PHF20: variants seen among roughly 807,000 people sequenced by gnomAD.
The protein encoded by PHF20 is glioma-expressed antigen 2.
In PHF20, 23 loss-of-function variants were observed where a neutral mutation model predicts 113.5. That is an observed-to-expected ratio of 0.20 (90% CI 0.15 to 0.29). The LOEUF is 0.29. PHF20 is among the 10% of genes least tolerant of loss of function. PHF20 has a pLI of 1.00. For synonymous variants in PHF20, 434 were observed against 457.3 expected (o/e 0.95, Z 0.65); for missense variants, 943 against 1,219.6 (o/e 0.77, Z 3.38).
At chr20:35,887,440 G>A (rs139325988) in intron 9 of PHF20, among the ~76,000 whole-genome samples, 19 of 152,250 alleles carry the variant, frequency 1.2e-4, no homozygotes, top group African/African-American at 2.9e-4. Flanking sequence ...GATGGTTGGC[G>A]GCATTCAGTC....
At chr20:35,936,486 C>T (rs2055867104) in intron 15 of PHF20, among the ~76,000 whole-genome samples, 1 of 152,170 alleles carries the variant, frequency 6.6e-6, no homozygotes, top group African/African-American at 2.4e-5. Flanking sequence ...AAGGCATCCA[C>T]AGCATTTTAT....
chr20:35,911,264 A>C (rs143297953), intron 10 of PHF20, among the ~76,000 whole-genome samples: 2 of 151,944 alleles, frequency 1.3e-5, no homozygotes, highest in African/African-American at 2.4e-5. Flanking sequence ...GGATGGTCTC[A>C]ATCTCCTGAC....
chr20:35,947,648 T>C lies in PHF20; in HGVS notation c.*21T>C, dbSNP rs771597454. 1.1e-5 allele frequency: 18 copies of C among 1,609,506 alleles called. No homozygotes were observed. The South Asian group carries it at 1.9e-4, about 17-fold the overall frequency. On this transcript the variant is annotated 3_prime_UTR_variant, in exon 18 of 18. Transcript: ENST00000374012. ...CATGAAACTGGGCACCCAAAACTCA[T>C]GGGGGCACAATCCTGGGGCACCTGC...
At chr20:35,776,234 G>C (rs769532429) in intron 1 of PHF20, among the ~76,000 whole-genome samples, 10 of 152,264 alleles carry the variant, frequency 6.6e-5, no homozygotes, top group African/African-American at 2.4e-4. Flanking sequence ...CCATGAGTAG[G>C]GAGTCTGTGA....
At chr20:35,793,415 T>C (rs1433350126) in intron 1 of PHF20, among the ~76,000 whole-genome samples, 2 of 151,474 alleles carry the variant, frequency 1.3e-5, no homozygotes, top group African/African-American at 4.8e-5. Context: ...TTCTCCTGCC[T>C]CAGCCTCCCA....
At chr20:35,932,215 A>T (rs1156850453) in intron 15 of PHF20, among the ~76,000 whole-genome samples, 2 of 151,084 alleles carry the variant, frequency 1.3e-5, no homozygotes. Context: ...CTACAGGCGC[A>T]TGCCACCATG....
At chr20:35,946,349 G>C (rs1052426725) in intron 17 of PHF20, among the ~76,000 whole-genome samples, 3 of 152,118 alleles carry the variant, frequency 2.0e-5, no homozygotes, top group Non-Finnish European at 2.9e-5. Context: ...CAGGAGAATC[G>C]CTTGAACCTA....
intron 2 of PHF20, among the ~76,000 whole-genome samples, chr20:35,824,753 C>T (rs1382607892): frequency 6.6e-6 from 1 of 152,164 alleles, no homozygotes; most frequent in African/African-American, 2.4e-5. Context: ...CATTAGCAGT[C>T]AGACCCTATT....
intron 1 of PHF20, among the ~76,000 whole-genome samples, chr20:35,786,679 C>T (rs1444592659): frequency 1.3e-5 from 2 of 151,996 alleles, no homozygotes; most frequent in Non-Finnish European, 2.9e-5. Flanking sequence ...TCTAGCTTGG[C>T]GACAGAGCTT....
At chr20:35,916,342 T>A (rs2055403011) in intron 12 of PHF20, among the ~76,000 whole-genome samples, 1 of 152,252 alleles carries the variant, frequency 6.6e-6, no homozygotes, top group Admixed American at 6.5e-5. Flanking sequence ...GAACAGTATC[T>A]GCTTCAGAAC....
intron 17 of PHF20, among the ~76,000 whole-genome samples, chr20:35,946,120 G>A (rs989690727): frequency 4.6e-5 from 7 of 151,828 alleles, no homozygotes; most frequent in Admixed American, 1.3e-4. Flanking sequence ...GCAGTGAGTC[G>A]AGATCATTGC....
intron 6 of PHF20, among the ~76,000 whole-genome samples, chr20:35,866,040 T>C (rs1195358533): frequency 6.6e-6 from 1 of 151,872 alleles, no homozygotes; most frequent in Admixed American, 6.6e-5. Flanking sequence ...GAAACCCCCA[T>C]CTCTACTAAC....
intron 1 of PHF20, among the ~76,000 whole-genome samples, chr20:35,776,743 C>T (rs879077099): frequency 6.6e-6 from 1 of 152,134 alleles, no homozygotes; most frequent in Non-Finnish European, 1.5e-5. Context: ...TATTCAGTAA[C>T]GGATTTGATC....
intron 2 of PHF20, among the ~76,000 whole-genome samples, chr20:35,806,964 T>G (rs572469905): frequency 6.6e-6 from 1 of 152,014 alleles, no homozygotes; most frequent in South Asian, 2.1e-4. Context: ...CCCGGCTAAT[T>G]TTTTGTATTT....
chr20:35,837,033 C>T (rs1233969226), intron 2 of PHF20, among the ~76,000 whole-genome samples: 1 of 151,706 alleles, frequency 6.6e-6, no homozygotes, highest in Non-Finnish European at 1.5e-5. Context: ...GTATCTTAGC[C>T]GAGCATGGTG....
intron 3 of PHF20, among the ~76,000 whole-genome samples, chr20:35,843,389 GGC>G (rs2042565449): frequency 6.6e-6 from 1 of 150,976 alleles, no homozygotes. Context: ...TATAGTGGCG[GGC>G]GCCTGTAATA....
At chr20:35,851,043 C>T (rs1028156801) in intron 4 of PHF20, 6 of 352,390 alleles carry the variant, frequency 1.7e-5, no homozygotes, top group Non-Finnish European at 3.2e-5. Context: ...ATCCACCCGC[C>T]TCAGCCTCCC....
chr20:35,936,514 C>T (rs1439466438), intron 15 of PHF20, among the ~76,000 whole-genome samples: 1 of 152,298 alleles, frequency 6.6e-6, no homozygotes, highest in East Asian at 1.9e-4. Flanking sequence ...TACATGGAGG[C>T]ACAGCTTTCA....
chr20:35,841,805 A>G (rs183076771), intron 2 of PHF20, among the ~76,000 whole-genome samples: 362 of 152,164 alleles, frequency 2.4e-3, no homozygotes, highest in Middle Eastern at 6.8e-3. Flanking sequence ...AAAACTGCAC[A>G]GTATTCCATT....
Sources: gnomAD v4.1 joint callset for allele counts (sites outside exome capture counted in the v4.1 genomes callset) on GRCh38, gnomAD v4.1.1 for gene constraint, MANE v1.5 for transcripts, NCBI Gene and HGNC (gene_info 2026-07-23, HGNC 2026-07-21) for gene names.